The following PAK1 variants were observed in gnomAD, a reference collection of about 807,000 sequenced individuals.
PAK1 encodes the protein serine/threonine-protein kinase PAK 1.
In PAK1, 29 loss-of-function variants were observed where a neutral mutation model predicts 67.4. The ratio of observed to expected loss-of-function variants is 0.43; its 90% CI spans 0.32 to 0.59. The LOEUF is 0.59. PAK1 is among the 20% of genes least tolerant of loss of function. PAK1 has a pLI of 0.07. For missense variants in PAK1, 337 were observed against 670.7 expected, an observed-to-expected ratio of 0.50 and a Z score of 5.50; for synonymous variants, 223 against 237.4, an observed-to-expected ratio of 0.94 and a Z score of 0.56.
intron 1 of PAK1, among the ~76,000 whole-genome samples, chr11:77,445,731 T>C (rs748936720): frequency 3.9e-5 from 6 of 152,244 alleles, no homozygotes; most frequent in Non-Finnish European, 5.9e-5. Flanking sequence ...ACATAATATC[T>C]ATCACATATA....
At chr11:77,446,815 A>AGAAT (rs578207066) in intron 1 of PAK1, among the ~76,000 whole-genome samples, 85 of 152,062 alleles carry the variant, frequency 5.6e-4, no homozygotes, top group African/African-American at 2.0e-3. Flanking sequence ...AACAATAAAG[A>AGAAT]GAATGGGTGA....
chr11:77,492,541 CTTTT>C, the PAK1 span, among the ~76,000 whole-genome samples: 3 of 106,136 alleles, frequency 2.8e-5, no homozygotes, highest in Admixed American at 9.6e-5. Flanking sequence ...TGAGGTGGGT[CTTTT>C]TTTTTTTTTT....
intron 1 of PAK1, among the ~76,000 whole-genome samples, chr11:77,431,357 A>G (rs1392462295): frequency 6.6e-6 from 1 of 152,208 alleles, no homozygotes; most frequent in African/African-American, 2.4e-5. Flanking sequence ...ATTATGCAAT[A>G]GAAGTGTTAT....
chr11:77,357,825 C>G (rs1244943533), intron 6 of PAK1, among the ~76,000 whole-genome samples: 1 of 152,152 alleles, frequency 6.6e-6, no homozygotes, highest in Admixed American at 6.6e-5. Context: ...GTGCCAAGAA[C>G]TATGTTAAGC....
chr11:77,380,889 C>A (rs780411772), intron 2 of PAK1, among the ~76,000 whole-genome samples: 1 of 152,134 alleles, frequency 6.6e-6, no homozygotes, highest in Non-Finnish European at 1.5e-5. Flanking sequence ...CACAAAAATT[C>A]TCTCCAGGGC....
At chr11:77,401,470 A>G (rs757631984) in intron 1 of PAK1, among the ~76,000 whole-genome samples, 23 of 152,346 alleles carry the variant, frequency 1.5e-4, no homozygotes, top group Admixed American at 3.3e-4. Flanking sequence ...TACTTTATAA[A>G]GTTATCACGA....
chr11:77,508,126 T>C, the PAK1 span, among the ~76,000 whole-genome samples: 2 of 152,254 alleles, frequency 1.3e-5, no homozygotes, highest in Admixed American at 6.5e-5. Flanking sequence ...TGTGTCTGAC[T>C]TCTCTCACTG....
chr11:77,377,850 C>G (rs1949300984), intron 4 of PAK1, among the ~76,000 whole-genome samples: 10 of 152,206 alleles, frequency 6.6e-5, no homozygotes, highest in Non-Finnish European at 1.5e-5. Context: ...CTTTCCCACT[C>G]AGTAGCCCTC....
At chr11:77,397,148 T>C (rs1044824814) in intron 1 of PAK1, 1 of 152,234 alleles carries the variant, frequency 6.6e-6, no homozygotes, top group African/African-American at 2.4e-5. Context: ...GATAGCACCA[T>C]TCTATCCATC....
intron 7 of PAK1, among the ~76,000 whole-genome samples, chr11:77,355,235 G>A (rs1945843757): frequency 6.6e-6 from 1 of 152,146 alleles, no homozygotes; most frequent in East Asian, 1.9e-4. Context: ...TTCATAAAAT[G>A]TTAACTTCCC....
In PAK1 at chr11:77,456,799, T is replaced by C. The variant is rs543805046; in HGVS notation, c.-22+16753A>G. ...CACTGCCACCCAGACTGGGGTGCAG[T>C]GGCGTAATCTCAGCTCACTGCAAGC... On this transcript the variant is annotated intron_variant, in intron 1 of 14. Coordinates refer to ENST00000356341, the MANE Select transcript of PAK1 (RefSeq NM_002576.5). Among the ~76,000 whole-genome samples, 43 of 152,054 alleles carry C rather than the reference T, an allele frequency of 2.8e-4. No homozygotes were observed. In the East Asian group the frequency reaches 8.3e-3, roughly 29 times the overall value.
the PAK1 span, among the ~76,000 whole-genome samples, chr11:77,496,961 A>G: frequency 6.6e-6 from 1 of 152,170 alleles, no homozygotes; most frequent in African/African-American, 2.4e-5. Context: ...AAAAACTGAA[A>G]TGGGTGATTT....
chr11:77,489,281 CCA>C, the PAK1 span, among the ~76,000 whole-genome samples: 1 of 152,158 alleles, frequency 6.6e-6, no homozygotes, highest in Non-Finnish European at 1.5e-5. Context: ...TTCATCAACA[CCA>C]GACTTGTCTT....
chr11:77,527,128 G>T, the PAK1 span, among the ~76,000 whole-genome samples: 1 of 152,096 alleles, frequency 6.6e-6, no homozygotes, highest in African/African-American at 2.4e-5. Context: ...TTCGAGACGG[G>T]TTCTCACTCT....
the PAK1 span, among the ~76,000 whole-genome samples, chr11:77,523,568 C>T: frequency 2.6e-5 from 4 of 151,988 alleles, no homozygotes; most frequent in South Asian, 2.1e-4. Flanking sequence ...TACAGGCACA[C>T]GCCACCATGT....
the PAK1 span, among the ~76,000 whole-genome samples, chr11:77,506,618 G>C: frequency 6.6e-6 from 1 of 152,208 alleles, no homozygotes; most frequent in African/African-American, 2.4e-5. Flanking sequence ...CAGGTGAGAA[G>C]GGGAATGGAG....
At chr11:77,490,404 T>C in the PAK1 span, among the ~76,000 whole-genome samples, 1 of 133,868 alleles carries the variant, frequency 7.5e-6, no homozygotes, top group African/African-American at 3.0e-5. Context: ...CCGCCCCTAC[T>C]GGGAAGTGAG....
rs1363324029 is a variant in PAK1 at position 77,332,719 on chromosome 11, A to G, written c.1551+11T>C. The G allele has an allele frequency of 5.0e-6, 8 of 1,612,074 alleles. No homozygotes were observed. In the African/African-American group the frequency reaches 6.7e-5, roughly 13 times the overall value. On this transcript the variant is annotated intron_variant, in intron 14 of 14. Coordinates refer to ENST00000356341, the MANE Select transcript of PAK1 (RefSeq NM_002576.5). ...CCTGAATTAGGTGCTTCCCTGCATAAGGACAGTTACCTGTAGCAGCTCTTT... is the reference window on the plus strand; with the variant it reads ...CCTGAATTAGGTGCTTCCCTGCATAGGGACAGTTACCTGTAGCAGCTCTTT...
chr11:77,394,436 AG>A (rs1951571483), intron 1 of PAK1, among the ~76,000 whole-genome samples: 1 of 151,110 alleles, frequency 6.6e-6, no homozygotes, highest in African/African-American at 2.5e-5. Flanking sequence ...AATCTATAGG[AG>A]TTTTTTTTTT....
Sources: gnomAD v4.1 joint callset for allele counts (sites outside exome capture counted in the v4.1 genomes callset) on GRCh38, gnomAD v4.1.1 for gene constraint, MANE v1.5 for transcripts, NCBI Gene and HGNC (gene_info 2026-07-23, HGNC 2026-07-21) for gene names.